MUC6: variants seen among roughly 807,000 people sequenced by gnomAD.
MUC6 encodes mucin-6.
In MUC6, 188 loss-of-function variants were observed where a neutral mutation model predicts 201.5. The observed-to-expected ratio is 0.93, with a 90% CI of 0.83 to 1.05. The LOEUF is 1.05. MUC6 is among the 50% of genes least tolerant of loss of function. MUC6 has a pLI of 0.00. For synonymous variants in MUC6, 1,228 were observed against 1,389.4 expected (o/e 0.88, Z 2.58); for missense variants, 2,706 against 3,256.9 (o/e 0.83, Z 4.12).
intron 20 of MUC6, 25 bp downstream of exon 20, chr11:1,026,302 C>T (rs756005219): frequency 2.4e-5 from 38 of 1,557,054 alleles, no homozygotes; most frequent in Non-Finnish European, 3.2e-5. Context: ...GAGCCCAGGG[C>T]GTCTGAAGCG....
intron 26 of MUC6, among the ~76,000 whole-genome samples, chr11:1,021,879 C>G (rs1856816498): frequency 6.6e-6 from 1 of 152,038 alleles, no homozygotes; most frequent in African/African-American, 2.4e-5. Context: ...CCGGATGGCT[C>G]CAGACACCAC....
At position 1,025,254 on chromosome 11, in the gene MUC6, G is replaced by A. The variant is rs768042693; in HGVS notation, c.2913C>T (p.Pro971=). Residue 971 remains proline (P), a synonymous_variant, in exon 23 of 33, where the codon CCC becomes CCT. Transcript: ENST00000421673. ...AGATGAGCGTCAGGTTGTACCTCCC[G>A]GGGATGCTGATGTCCACGACAAGGC... is the stretch of plus-strand genomic sequence containing the variant. ...ALSLVVDISI[P]GRYNLTLIWN... is the part of the protein sequence containing the mutation. The A allele has an allele frequency of 1.4e-5, 22 of 1,612,796 alleles. No homozygotes were observed. The highest frequency in any genetic ancestry group is 3.3e-4 in the Middle Eastern group (2 of 6,062).
In MUC6 at chr11:1,016,368, C is replaced by A; in HGVS notation, c.6433G>T (p.Val2145Leu). ...TGGGGAGAGGAGTGGGAGGAGGGCA[C>A]ATAAGAAGAAACAGTAGAGGGGGCA... is the stretch of plus-strand genomic sequence containing the variant. ...PSAPSTVSSY[V>L]PSSHSSPQTS... is the part of the protein sequence containing the mutation. Residue 2145 changes from valine (V) to leucine (L), a missense_variant, in exon 31 of 33, where the codon GTG becomes TTG. By Grantham distance (32) the Val-to-Leu change is conservative (BLOSUM62 1). This residue lies in a region of MUC6 where 586 missense variants were observed against 488.0 expected (regional missense o/e 1.20). Coordinates refer to ENST00000421673, the MANE Select transcript of MUC6 (RefSeq NM_005961.3). 1.2e-6 allele frequency: 2 copies of A among 1,611,838 alleles called. No homozygotes were observed. The highest frequency in any genetic ancestry group is 1.7e-6 in the Non-Finnish European group (2 of 1,179,010).
rs1856798613 is a variant in MUC6 at position 1,021,231 on chromosome 11, C to T, written c.3573G>A (p.Gly1191=). 3 of 1,590,944 alleles carry T rather than the reference C, an allele frequency of 1.9e-6. No homozygotes were observed. Among genetic ancestry groups the T allele is most frequent in the African/African-American group, 2.7e-5 (2 of 73,406 alleles). ...TGGACTTACTGCAGGGCACGCACAC[C>T]CCCTCCTCGTGGTCGAAGTACTCAT... ...SQDEYFDHEE[G]VCVPCMPPTT... is the part of the protein sequence containing the mutation. Residue 1191 remains glycine (G), a synonymous_variant, in exon 27 of 33, where the codon GGG becomes GGA. Coordinates refer to ENST00000421673, the MANE Select transcript of MUC6 (RefSeq NM_005961.3).
At position 1,020,276 on chromosome 11, in the gene MUC6, C is replaced by T; in HGVS notation, c.3641-19G>A. 1.3e-6 allele frequency: 2 copies of T among 1,593,142 alleles called. No individual in the cohort carries two copies. Among genetic ancestry groups the T allele is most frequent in the Non-Finnish European group, 1.7e-6 (2 of 1,170,778 alleles). On this transcript the variant is annotated intron_variant, in intron 28 of 32. Transcript: ENST00000421673. The stretch of plus-strand genomic sequence containing the variant: ...CGTGAGCCTGGGTGGGCGGACATGC[C>T]ATCAGGGCTGCAGGGTACCGGCATA...
rs753604493 is a variant in MUC6 at position 1,019,361 on chromosome 11, G to A, written c.3944C>T (p.Pro1315Leu). 3.1e-6 allele frequency: 5 copies of A among 1,613,856 alleles called. No individual in the cohort carries two copies. The highest frequency in any genetic ancestry group is 1.7e-5 in the Admixed American group (1 of 59,992). Reference protein sequence around the residue: ...TTRATASTASPATTSTAQSTT... With the variant: ...TTRATASTASLATTSTAQSTT... ...GGACTGAGCTGTGGACGTCGTGGCT[G>A]GGCTGGCGGTCGACGCCGTGGCCCT... The change falls in exon 30 of 33, where the codon CCA (proline) becomes CTA (leucine). Residue 1315 changes from proline to leucine, a missense_variant. Physicochemically the swap from Pro to Leu is moderately conservative, Grantham distance 98 (BLOSUM62 -3). Transcript: ENST00000421673.
rs1414758369 is a variant in MUC6, at chr11:1,033,723, A to G, written c.53-648T>C. On this transcript the variant is annotated intron_variant, in intron 1 of 32. Coordinates refer to ENST00000421673, the MANE Select transcript of MUC6 (RefSeq NM_005961.3). This position sits in a 1 kb window ranked among gnomAD's most constrained non-coding sequence, Gnocchi z 5.6. ...GACTCCCAGAGGCTGGGGTGGGGCCAACACCCCCCACGTCCCACCCCCTGT... is the reference window on the plus strand; with the variant it reads ...GACTCCCAGAGGCTGGGGTGGGGCCGACACCCCCCACGTCCCACCCCCTGT... 6.6e-6 allele frequency among the ~76,000 whole-genome samples: 1 copy of G among 151,352 alleles called. No homozygotes were observed. The highest frequency in any genetic ancestry group is 2.4e-5 in the African/African-American group (1 of 41,132).
At chr11:1,023,377 A>G in intron 26 of MUC6, 132 bp downstream of exon 26, 1 of 1,203,368 alleles carries the variant, frequency 8.3e-7, no homozygotes, top group Non-Finnish European at 1.2e-6. Flanking sequence ...AATGTGTGCA[A>G]ATTAATGAAT....
intron 2 of MUC6, 87 bp from the exon 3 acceptor site, chr11:1,032,140 C>T (rs1857121490): frequency 6.6e-7 from 1 of 1,526,490 alleles, no homozygotes; most frequent in South Asian, 1.2e-5. Context: ...TCACTCGTCT[C>T]CCTGGGCCAG....
In MUC6 at chr11:1,026,442, C is replaced by T. The variant is rs374166945; in HGVS notation, c.2431G>A (p.Glu811Lys). Residue 811 changes from glutamate (E) to lysine (K), a missense_variant, in exon 20 of 33, where the codon GAG becomes AAG. Transcript: ENST00000421673. ...TKCEPGCVCA[E>K]GLYENADGQC... ...CCGTCGGCATTCTCGTAGAGGCCCT[C>T]GGCGCAGACACAGCCAGGCTCACAC... 22 of 1,606,610 alleles carry T rather than the reference C, an allele frequency of 1.4e-5. No homozygotes were observed. The highest frequency in any genetic ancestry group is 3.3e-4 in the Middle Eastern group (2 of 6,010).
rs1414310571 is a variant in MUC6, at chr11:1,029,301, C to T, written c.1202G>A (p.Gly401Asp). The change falls in exon 10 of 33, where the codon GGT becomes GAT. Residue 401 changes from glycine to aspartate, a missense_variant. Transcript: ENST00000421673. ...RPCPGHCSLE[G>D]GSFVTTFDAR... ...GTCAAATGTGGTAACAAAGGAGCCACCTTCCAGGGAGCAGTGTCCGGGGCA... is the reference window on the plus strand; with the variant it reads ...GTCAAATGTGGTAACAAAGGAGCCATCTTCCAGGGAGCAGTGTCCGGGGCA... 8.7e-6 allele frequency: 14 copies of T among 1,606,360 alleles called. No individual in the cohort carries two copies. Among genetic ancestry groups the T allele is most frequent in the Non-Finnish European group, 1.2e-5 (14 of 1,177,444 alleles).
intron 7 of MUC6, 31 bp from the exon 8 acceptor site, chr11:1,030,366 T>TACCC: frequency 4.0e-6 from 6 of 1,489,580 alleles, no homozygotes; most frequent in Non-Finnish European, 4.5e-6. Context: ...GGTGAGAGGG[T>TACCC]CCCACCCCCC....
Position 1,018,296 on chromosome 11 carries a change from A to T in MUC6, c.4505T>A (p.Ile1502Lys). 1 of 1,613,960 alleles carries T rather than the reference A, an allele frequency of 6.2e-7. No individual in the cohort carries two copies. Among genetic ancestry groups the T allele is most frequent in the Non-Finnish European group, 8.5e-7 (1 of 1,179,848 alleles). ...GCTGGTCCCACTGGTGGTCGGCGTTATTGGTGGGGCTGTGTGGGTGGACCC... is the reference window on the plus strand; with the variant it reads ...GCTGGTCCCACTGGTGGTCGGCGTTTTTGGTGGGGCTGTGTGGGTGGACCC... ...ATGSTHTAPP[I>K]TPTTSGTSQA... Residue 1502 changes from isoleucine to lysine, a missense_variant, in exon 31 of 33, where the codon ATA becomes AAA. Physicochemically the swap from Ile to Lys is moderately radical, Grantham distance 102 (BLOSUM62 -3). Around this residue, in one of 10 missense-constraint regions of MUC6, gnomAD observed 128 missense variants for 206.5 expected, o/e 0.62. Coordinates refer to ENST00000421673, the MANE Select transcript of MUC6 (RefSeq NM_005961.3).
rs567109346 is a variant in MUC6, at chr11:1,018,574, C to A, written c.4227G>T (p.Pro1409=). 2 of 1,609,138 alleles carry A rather than the reference C, an allele frequency of 1.2e-6. No individual in the cohort carries two copies. The highest frequency in any genetic ancestry group is 2.2e-5 in the South Asian group (2 of 90,642). Residue 1409 remains proline (P), a synonymous_variant, in exon 31 of 33, where the codon CCG becomes CCT. Coordinates refer to ENST00000421673, the MANE Select transcript of MUC6 (RefSeq NM_005961.3). ...AAGGGACGGGACTCCCCGCCGTAGG[C>A]GGGGAGTGTGTGGTGTGTGGGGTTT... ...TPQTPHTTHS[P]PTAGSPVPST... is the part of the protein sequence containing the mutation.
Position 1,033,185 on chromosome 11 carries a change from G to A in MUC6, c.53-110C>T, listed in dbSNP as rs2133838356. 1 of 1,109,584 alleles carries A rather than the reference G, an allele frequency of 9.0e-7. No homozygotes were observed. Among genetic ancestry groups the A allele is most frequent in the Non-Finnish European group, 1.4e-6 (1 of 735,044 alleles). The allele number at this position is 1,109,584 out of a possible 1,614,324, so 68.7% of individuals were successfully genotyped here. On this transcript the variant is annotated intron_variant, in intron 1 of 32. Coordinates refer to ENST00000421673, the MANE Select transcript of MUC6 (RefSeq NM_005961.3). The surrounding 1 kb of genome is among the most constrained non-coding windows in gnomAD (Gnocchi z 5.6). Reference sequence around the variant, plus strand: ...CCGTTTCCCTGCACACACTCGGCGTGCGAGAAGTGTCCATGGCCCGTGGGG... The same window carrying A: ...CCGTTTCCCTGCACACACTCGGCGTACGAGAAGTGTCCATGGCCCGTGGGG...
rs1452992216 is a variant in MUC6 at position 1,030,407 on chromosome 11, G to A, written c.893-72C>T. 12 of 1,281,812 alleles carry A rather than the reference G, an allele frequency of 9.4e-6. No individual in the cohort carries two copies. The East Asian group carries it at 3.3e-4, about 36-fold the overall frequency. The allele number at this position is 1,281,812 out of a possible 1,614,324, so 79.4% of individuals were successfully genotyped here. On this transcript the variant is annotated intron_variant, in intron 7 of 32. Coordinates refer to ENST00000421673, the MANE Select transcript of MUC6 (RefSeq NM_005961.3). ...CCTCCCTGCCCCACCCCAGCTTGATGGAGGACTTAGCCCAGCCCTTCCTCC... is the reference window on the plus strand; with the variant it reads ...CCTCCCTGCCCCACCCCAGCTTGATAGAGGACTTAGCCCAGCCCTTCCTCC...
chr11:1,024,209 A>G, intron 24 of MUC6, 106 bp from the exon 25 acceptor site: 3 of 1,343,484 alleles, frequency 2.2e-6, no homozygotes, highest in Non-Finnish European at 3.0e-6. Flanking sequence ...GTGTGGCGGT[A>G]AGGGCGCTGG....
At chr11:1,036,475 C>T (rs11605827) in intron 1 of MUC6, 129 bp downstream of exon 1, 81,373 of 1,095,522 alleles carry the variant, frequency 0.074, 3,340 homozygotes, top group African/African-American at 0.1. Context: ...CGGAGCCGAG[C>T]TGGGGCCTCC....
chr11:1,025,201 C>T lies in MUC6; in HGVS notation c.2966G>A (p.Arg989Lys), dbSNP rs1200153655. The T allele has an allele frequency of 1.2e-6, 2 of 1,612,410 alleles. No individual in the cohort carries two copies. The highest frequency in any genetic ancestry group is 1.7e-6 in the Non-Finnish European group (2 of 1,179,496). ...IWNRHMTILI[R>K]IARASQDPLC... ...CGGTACCTGGGAGGCACGGGCGATC[C>T]TGATGAGGATGGTCATGTGCCTGTT... The change falls in exon 23 of 33, where the codon AGG becomes AAG. Residue 989 changes from arginine (R) to lysine (K), a missense_variant. Transcript: ENST00000421673.
Sources: allele counts gnomAD v4.1 joint callset (sites outside exome capture counted in the v4.1 genomes callset), GRCh38; gene constraint gnomAD v4.1.1; regional missense constraint gnomAD v4.1.1; non-coding constraint Gnocchi (gnomAD v3.1); transcripts MANE v1.5; gene names NCBI Gene and HGNC (gene_info 2026-07-23, HGNC 2026-07-21).